MTOR: variants seen among roughly 807,000 people sequenced by gnomAD.
MTOR encodes the protein mechanistic target of rapamycin kinase, also known as serine/threonine-protein kinase mTOR.
Under a neutral mutation model 319.8 loss-of-function variants are expected in MTOR, and 70 were observed. That is an observed-to-expected ratio of 0.22 (90% confidence interval 0.18 to 0.27). The LOEUF is 0.27. Among genes scored for constraint, MTOR ranks in the 10% least tolerant of loss-of-function variants. The probability of loss-of-function intolerance (pLI) is 1.00; values close to 1 mark genes in which losing one functional copy is unlikely to be tolerated. For missense variants in MTOR, 1,890 were observed against 3,274.4 expected, an observed-to-expected ratio of 0.58 and a Z score of 10.32; for synonymous variants, 1,183 against 1,211.4, an observed-to-expected ratio of 0.98 and a Z score of 0.49.
At chr1:11,185,288 G>C (rs1645278242) in intron 28 of MTOR, among the ~76,000 whole-genome samples, 1 of 149,054 alleles carries the variant, frequency 6.7e-6, no homozygotes, top group African/African-American at 2.5e-5. Context: ...ATTTAAAACT[G>C]ACTCTGGCCA....
At chr1:11,179,321 A>T (rs1459360748) in intron 28 of MTOR, among the ~76,000 whole-genome samples, 1 of 152,224 alleles carries the variant, frequency 6.6e-6, no homozygotes, top group Non-Finnish European at 1.5e-5. Context: ...ACACAGTGTA[A>T]CTGCTAGCAC....
chr1:11,233,348 G>A (rs1041204231), intron 15 of MTOR, 50 bp downstream of exon 15: 2 of 1,537,378 alleles, frequency 1.3e-6, no homozygotes, highest in Non-Finnish European at 1.8e-6. Flanking sequence ...TTAGAGGTTA[G>A]TTTCTTTTCC....
chr1:11,134,530 T>C, intron 36 of MTOR, 64 bp from the exon 37 acceptor site: 2 of 1,409,098 alleles, frequency 1.4e-6, no homozygotes, highest in Non-Finnish European at 2.0e-6. Context: ...GGAAGGGAGC[T>C]ACCGTTCATC....
Position 11,213,040 on chromosome 1 carries a change from CT to C in MTOR, c.3286-133del, listed in dbSNP as rs143738943. ...AAACTCTTTATTAAATGGCCTTGAACTATATCCTTTTGATAGCACTTTCTTC... is the reference window on the plus strand; with the variant it reads ...AAACTCTTTATTAAATGGCCTTGAACATATCCTTTTGATAGCACTTTCTTC... On this transcript the variant is annotated intron_variant, in intron 21 of 57. Transcript: ENST00000361445. The C allele has an allele frequency of 3.6e-3, 2,436 of 668,014 alleles. 61 individuals carry two copies. In the African/African-American group the frequency reaches 0.039, roughly 11 times the overall value. The allele number at this position is 668,014 out of a possible 1,614,324, so 41.4% of individuals were successfully genotyped here.
At chr1:11,190,893 G>C (rs563802966) in intron 28 of MTOR, among the ~76,000 whole-genome samples, 1 of 152,304 alleles carries the variant, frequency 6.6e-6, no homozygotes, top group South Asian at 2.1e-4. Flanking sequence ...GTTAACCTCA[G>C]CTCAAATTAA....
In MTOR at chr1:11,168,938, A is replaced by G. The variant is rs4259655; in HGVS notation, c.4254-1421T>C. 6.1e-3 allele frequency among the ~76,000 whole-genome samples: 927 copies of G among 152,332 alleles called. 12 individuals are homozygous for G. The highest frequency in any genetic ancestry group is 0.021 in the African/African-American group (873 of 41,566). On this transcript the variant is annotated intron_variant, in intron 28 of 57. Transcript: ENST00000361445. ...AGAAATCCACAAGACCACAATGATT[A>G]TATCTGTTTAAAGGTAGGGAGCAAA...
chr1:11,115,625 AACACACAGCACGCTCC>A lies in MTOR; in HGVS notation c.7017-173_7017-158del. On this transcript the variant is annotated intron_variant, in intron 50 of 57. Coordinates refer to ENST00000361445, the MANE Select transcript of MTOR (RefSeq NM_004958.4). The surrounding 1 kb of genome is among the most constrained non-coding windows in gnomAD (Gnocchi z 4.5). ...ACTTCTGCAAGTCCAGTTTTACTGG[AACACACAGCACGCTCC>A]CTTGTTTAAGTACTGTTCCAGGCTG... 1 of 660,634 alleles carries A rather than the reference AACACACAGCACGCTCC, an allele frequency of 1.5e-6. No individual in the cohort carries two copies. Among genetic ancestry groups the A allele is most frequent in the Non-Finnish European group, 2.8e-6 (1 of 363,292 alleles). 40.9% of individuals were successfully genotyped at this position (660,634 alleles called of 1,614,324 possible).
rs750346583 is a variant in MTOR at position 11,199,520 on chromosome 1, G to C, written c.4107+21C>G. Reference sequence around the variant, plus strand: ...CTGGTTCCCTGTCAGCCTCCATCTGGACAATGGGGAAAAGTCTCACCTTGT... The same window carrying C: ...CTGGTTCCCTGTCAGCCTCCATCTGCACAATGGGGAAAAGTCTCACCTTGT... On this transcript the variant is annotated intron_variant, in intron 27 of 57. Coordinates refer to ENST00000361445, the MANE Select transcript of MTOR (RefSeq NM_004958.4). This position sits in a 1 kb window ranked among gnomAD's most constrained non-coding sequence, Gnocchi z 4.5. 1 of 1,614,108 alleles carries C rather than the reference G, an allele frequency of 6.2e-7. No homozygotes were observed. Among genetic ancestry groups the C allele is most frequent in the Non-Finnish European group, 8.5e-7 (1 of 1,179,982 alleles).
intron 56 of MTOR, among the ~76,000 whole-genome samples, chr1:11,108,934 G>A (rs1287577141): frequency 5.3e-5 from 8 of 152,016 alleles, no homozygotes; most frequent in Admixed American, 1.3e-4. Context: ...GTTGCAGTGA[G>A]CCAAGATGGA....
At chr1:11,252,596 G>A (rs1035575714) in intron 6 of MTOR, among the ~76,000 whole-genome samples, 2 of 152,180 alleles carry the variant, frequency 1.3e-5, no homozygotes, top group Non-Finnish European at 1.5e-5. Flanking sequence ...TGCCTGAGTC[G>A]CACAGTCATC....
intron 34 of MTOR, among the ~76,000 whole-genome samples, chr1:11,141,763 G>A (rs1256162679): frequency 6.7e-6 from 1 of 149,666 alleles, no homozygotes; most frequent in Non-Finnish European, 1.5e-5. Context: ...GAGGTGGGGG[G>A]ATCACAAGGT....
chr1:11,126,327 G>T (rs183052298), intron 46 of MTOR, among the ~76,000 whole-genome samples: 38 of 151,992 alleles, frequency 2.5e-4, no homozygotes, highest in African/African-American at 8.7e-4. Flanking sequence ...CTCCTCCCTG[G>T]CCTCATCAGT....
chr1:11,239,111 A>G (rs1035898693), intron 11 of MTOR, among the ~76,000 whole-genome samples: 2 of 152,094 alleles, frequency 1.3e-5, no homozygotes, highest in African/African-American at 4.8e-5. Context: ...GGGGGATTTC[A>G]ATCAGCAGAA....
intron 6 of MTOR, among the ~76,000 whole-genome samples, chr1:11,250,033 T>C (rs1292877400): frequency 4.8e-4 from 67 of 140,536 alleles, no homozygotes; most frequent in African/African-American, 1.7e-3. Flanking sequence ...ACGGGGTGGC[T>C]GGCCGGGCGG....
chr1:11,198,838 G>A (rs1442661670), intron 28 of MTOR, among the ~76,000 whole-genome samples: 2 of 152,216 alleles, frequency 1.3e-5, no homozygotes, highest in Non-Finnish European at 2.9e-5. Flanking sequence ...GGAAGATGCA[G>A]GCATCAATAG....
chr1:11,129,645 G>T lies in MTOR; in HGVS notation c.5714+93C>A. ...ACATCGATCTTGGGTGTCCTGATCA[G>T]GGTCAGGAAGGGAAAGAGGACTTTT... On this transcript the variant is annotated intron_variant, in intron 40 of 57. Transcript: ENST00000361445. The surrounding 1 kb of genome is among the most constrained non-coding windows in gnomAD (Gnocchi z 4.7). 9.1e-7 allele frequency: 1 copy of T among 1,096,938 alleles called. No individual in the cohort carries two copies. The highest frequency in any genetic ancestry group is 1.4e-6 in the Non-Finnish European group (1 of 734,730). The allele number at this position is 1,096,938 out of a possible 1,614,324, so 68.0% of individuals were successfully genotyped here.
In MTOR at chr1:11,124,637, T is replaced by C; in HGVS notation, c.6527-4A>G. ...ACAAACTCATGTCCGTTGCTGCCTG[T>C]AAGGAACAGTGGGAGCGGTGAGTGT... On this transcript the variant is annotated splice_region_variant and splice_polypyrimidine_tract_variant and intron_variant, in intron 46 of 57. Transcript: ENST00000361445. 1 of 1,606,838 alleles carries C rather than the reference T, an allele frequency of 6.2e-7. No homozygotes were observed. Among genetic ancestry groups the C allele is most frequent in the Non-Finnish European group, 8.5e-7 (1 of 1,173,740 alleles).
intron 28 of MTOR, among the ~76,000 whole-genome samples, chr1:11,178,880 C>A (rs963857568): frequency 6.6e-6 from 1 of 152,224 alleles, no homozygotes; most frequent in Admixed American, 6.5e-5. Flanking sequence ...GGAAACAAAA[C>A]TTAAACAAGC....
chr1:11,194,578 C>T (rs940510987), intron 28 of MTOR: 4 of 1,614,154 alleles, frequency 2.5e-6, no homozygotes, highest in Non-Finnish European at 3.4e-6. Flanking sequence ...CGACGCCCTC[C>T]AGTATCATAA....
Sources: gnomAD v4.1 joint callset for allele counts (sites outside exome capture counted in the v4.1 genomes callset) on GRCh38, gnomAD v4.1.1 for gene constraint, Gnocchi (gnomAD v3.1) non-coding constraint, MANE v1.5 for transcripts, NCBI Gene and HGNC (gene_info 2026-07-23, HGNC 2026-07-21) for gene names.